The following MMP14 variants were observed in gnomAD, a reference collection of about 807,000 sequenced individuals.
The protein encoded by MMP14 is matrix metallopeptidase 14.
Under a neutral mutation model 64.8 loss-of-function variants are expected in MMP14, and 13 were observed. The ratio of observed to expected loss-of-function variants is 0.20; its 90% confidence interval spans 0.13 to 0.32. The LOEUF is 0.32. MMP14 is among the 10% of genes least tolerant of loss of function. The pLI is 1.00. For missense variants in MMP14, 594 were observed against 783.8 expected (o/e 0.76, Z 2.89); for synonymous variants, 322 against 315.9 (o/e 1.02, Z -0.20).
intron 1 of MMP14, among the ~76,000 whole-genome samples, chr14:22,840,623 C>G (rs962333527): frequency 1.3e-5 from 2 of 152,102 alleles, no homozygotes; most frequent in Non-Finnish European, 2.9e-5. Context: ...ATTCTTCTGC[C>G]TCAGCCTCCT....
rs972235937 is a variant in MMP14, at chr14:22,845,386, G to C, written c.1417+20G>C. On this transcript the variant is annotated intron_variant, in intron 9 of 9. Coordinates refer to ENST00000311852, the MANE Select transcript of MMP14 (RefSeq NM_004995.4). ...ATGAAGGTGAGAGGGGCAAGGGAAG[G>C]TGTCGCTGAGAGAAGGATGGGAATA... The C allele has an allele frequency of 6.5e-7, 1 of 1,540,378 alleles. No homozygotes were observed.
At position 22,843,766 on chromosome 14, in the gene MMP14, C is replaced by A. The variant is rs2039790942; in HGVS notation, c.907C>A (p.Pro303Thr). Residue 303 changes from proline to threonine, a missense_variant, in exon 6 of 10, where the codon CCT becomes ACT. Pro to Thr is a conservative substitution (Grantham distance 38). Transcript: ENST00000311852. The surrounding 1 kb of genome is among the most constrained non-coding windows in gnomAD (Gnocchi z 4.8). ...MPPQPRTTSR[P>T]SVPDKPKNPT... ...CCCTCAACCCAGGACTACCTCCCGG[C>A]CTTCTGTTCCTGATAAACCCAAAAA... 6.2e-7 allele frequency: 1 copy of A among 1,613,014 alleles called. No individual in the cohort carries two copies. The highest frequency in any genetic ancestry group is 8.5e-7 in the Non-Finnish European group (1 of 1,179,804).
Position 22,843,715 on chromosome 14 carries a change from G to A in MMP14, c.856G>A (p.Glu286Lys), listed in dbSNP as rs774979980. 5 of 1,588,624 alleles carry A rather than the reference G, an allele frequency of 3.1e-6. No homozygotes were observed. In the East Asian group the frequency reaches 9.0e-5, roughly 29 times the overall value. The change falls in exon 6 of 10, where the codon GAG becomes AAG. Residue 286 changes from glutamate (E) to lysine (K), a missense_variant. By Grantham distance (56) the Glu-to-Lys change is moderately conservative. Transcript: ENST00000311852. This position sits in a 1 kb window ranked among gnomAD's most constrained non-coding sequence, Gnocchi z 4.8. ...RRGIQQLYGG[E>K]SGFPTKMPPQ... ...CCTCGTGTTTTCTGCCCCAGGGGGT[G>A]AGTCAGGGTTCCCCACCAAGATGCC...
At chr14:22,837,190 G>T (rs990932760) in intron 1 of MMP14, 3 of 643,644 alleles carry the variant, frequency 4.7e-6, no homozygotes, top group South Asian at 1.5e-5. Context: ...GTCCTTGGAA[G>T]AACTTTACAA....
At chr14:22,837,242 T>C (rs2039740444) in intron 1 of MMP14, 1 of 551,744 alleles carries the variant, frequency 1.8e-6, no homozygotes. Flanking sequence ...TGGGCTCTGC[T>C]CTCAGCTCTG....
Position 22,843,155 on chromosome 14 carries a change from TG to T in MMP14, c.689-99del. 1 of 1,366,612 alleles carries T rather than the reference TG, an allele frequency of 7.3e-7. No individual in the cohort carries two copies. The highest frequency in any genetic ancestry group is 1.0e-6 in the Non-Finnish European group (1 of 1,001,364). The allele number at this position is 1,366,612 out of a possible 1,614,324, so 84.7% of individuals were successfully genotyped here. A position where few individuals can be genotyped will look rare whatever the true frequency, so the allele number is the denominator to read the frequency against. ...ATTTGGCCACTTTGGATTGAAAACA[TG>T]GGCAGCAGGCTTGGAGGTGAAACCA... On this transcript the variant is annotated intron_variant, in intron 4 of 9. Transcript: ENST00000311852. This position sits in a 1 kb window ranked among gnomAD's most constrained non-coding sequence, Gnocchi z 4.8.
intron 1 of MMP14, 95 bp from the exon 2 acceptor site, chr14:22,841,396 G>A (rs2039771498): frequency 1.3e-6 from 2 of 1,516,856 alleles, no homozygotes; most frequent in African/African-American, 1.4e-5. Flanking sequence ...CCCTTTCCTT[G>A]CCAAGCCAAG....
rs2039795594 is a variant in MMP14 at position 22,844,254 on chromosome 14, C to T, written c.1012-117C>T. ...TAGGGCGGCTGGGTGGAAGTGACAA[C>T]AGCTGGACTAAAAACTAAAACTGAG... On this transcript the variant is annotated intron_variant, in intron 6 of 9. Coordinates refer to ENST00000311852, the MANE Select transcript of MMP14 (RefSeq NM_004995.4). The T allele has an allele frequency of 2.7e-6, 4 of 1,457,294 alleles. 1 individual carries two copies. In the South Asian group the frequency reaches 5.2e-5, roughly 19 times the overall value. 90.3% of individuals were successfully genotyped at this position (1,457,294 alleles called of 1,614,324 possible).
chr14:22,846,081 C>A lies in MMP14; in HGVS notation c.*42C>A. 6.9e-7 allele frequency: 1 copy of A among 1,439,116 alleles called. No homozygotes were observed. Among genetic ancestry groups the A allele is most frequent in the Non-Finnish European group, 9.1e-7 (1 of 1,095,004 alleles). 89.1% of individuals were successfully genotyped at this position (1,439,116 alleles called of 1,614,324 possible). A position where few individuals can be genotyped will look rare whatever the true frequency, so the allele number is the denominator to read the frequency against. On this transcript the variant is annotated 3_prime_UTR_variant, in exon 10 of 10. Transcript: ENST00000311852. ...GCCCACTCCTACCACAAGGACTTTG[C>A]CTCTGAAGGCCAGTGGCAGCAGGTG... is the stretch of plus-strand genomic sequence containing the variant.
At chr14:22,840,031 G>A (rs997185580) in intron 1 of MMP14, among the ~76,000 whole-genome samples, 1 of 146,066 alleles carries the variant, frequency 6.8e-6, no homozygotes, top group Non-Finnish European at 1.5e-5. Context: ...GCAGTGGCGG[G>A]ATCTTGGCTA....
rs141384790 is a variant in MMP14 at position 22,845,827 on chromosome 14, C to T, written c.1537C>T (p.Arg513Trp). The T allele has an allele frequency of 2.8e-4, 454 of 1,614,026 alleles. No individual in the cohort carries two copies. The highest frequency in any genetic ancestry group is 3.6e-4 in the Non-Finnish European group (427 of 1,180,048). ...CTGGATGGGCTGCCCATCGGGAGGC[C>T]GGCCGGATGAGGGGACTGAGGAGGA... Reference protein sequence around the residue: ...RDWMGCPSGGRPDEGTEEETE... With the variant: ...RDWMGCPSGGWPDEGTEEETE... Residue 513 changes from arginine to tryptophan, a missense_variant, in exon 10 of 10, where the codon CGG (arginine) becomes TGG (tryptophan). Coordinates refer to ENST00000311852, the MANE Select transcript of MMP14 (RefSeq NM_004995.4).
Position 22,841,616 on chromosome 14 carries a change from C to G in MMP14, c.234C>G (p.Gly78=). 6.2e-7 allele frequency: 1 copy of G among 1,614,006 alleles called. No homozygotes were observed. The highest frequency in any genetic ancestry group is 1.1e-5 in the South Asian group (1 of 91,050). The change falls in exon 2 of 10, where the codon GGC becomes GGG. Residue 78 remains glycine (G), a synonymous_variant. Transcript: ENST00000311852. The stretch of plus-strand genomic sequence containing the variant: ...AGTTTTACGGCTTGCAAGTAACAGG[C>G]AAAGCTGATGCAGACACCATGAAGT... ...MQKFYGLQVT[G]KADADTMKAM...
intron 2 of MMP14, 52 bp from the exon 3 acceptor site, chr14:22,841,861 T>C: frequency 6.2e-7 from 1 of 1,609,606 alleles, no homozygotes; most frequent in East Asian, 2.2e-5. Context: ...TGGAGACCTT[T>C]CTCTTTCATA....
At position 22,836,747 on chromosome 14, in the gene MMP14, G is replaced by C. The variant is rs531304614; in HGVS notation, c.-71G>C. 4.6e-6 allele frequency: 4 copies of C among 864,398 alleles called. No individual in the cohort carries two copies. The highest frequency in any genetic ancestry group is 7.0e-6 in the Non-Finnish European group (4 of 574,830). 53.5% of individuals were successfully genotyped at this position (864,398 alleles called of 1,614,324 possible). On this transcript the variant is annotated 5_prime_UTR_variant, in exon 1 of 10. Transcript: ENST00000311852. ...AAGACAAAGGCGCCCCGAGGGAGTG[G>C]CGGTGCGACCCCAGGGCGTGGGCCC...
Position 22,846,347 on chromosome 14 carries a change from C to T in MMP14, c.*308C>T. 2.8e-6 allele frequency: 1 copy of T among 360,748 alleles called. No homozygotes were observed. The highest frequency in any genetic ancestry group is 5.0e-6 in the Non-Finnish European group (1 of 199,534). The allele number at this position is 360,748 out of a possible 1,614,324, so 22.3% of individuals were successfully genotyped here. A position where few individuals can be genotyped will look rare whatever the true frequency, so the allele number is the denominator to read the frequency against. ...GCCCCATCTGAATGTGTTGGGGGCT[C>T]TGCACTTGAAGGCAGGACCCTCAGA... On this transcript the variant is annotated 3_prime_UTR_variant, in exon 10 of 10. Transcript: ENST00000311852.
rs1011977295 is a variant in MMP14 at position 22,843,800 on chromosome 14, A to G, written c.941A>G (p.Tyr314Cys). 6.2e-5 allele frequency: 100 copies of G among 1,613,228 alleles called. 1 individual carries two copies. Among genetic ancestry groups the G allele is most frequent in the Non-Finnish European group, 7.8e-5 (92 of 1,179,774 alleles). ...CCTGATAAACCCAAAAACCCCACCT[A>G]TGGGCCCAACATCTGTGACGGGAAC... ...SVPDKPKNPT[Y>C]GPNICDGNFD... The change falls in exon 6 of 10, where the codon TAT becomes TGT. Residue 314 changes from tyrosine (Y) to cysteine (C), a missense_variant. Around this residue, in one of 4 missense-constraint regions of MMP14, gnomAD observed 364 missense variants for 425.2 expected, o/e 0.86. Coordinates refer to ENST00000311852, the MANE Select transcript of MMP14 (RefSeq NM_004995.4). This position sits in a 1 kb window ranked among gnomAD's most constrained non-coding sequence, Gnocchi z 4.8.
Position 22,836,940 on chromosome 14 carries a change from C to T in MMP14, c.108+15C>T, listed in dbSNP as rs762154296. ...TCAGCCCCGAAGTAAGTGAGCTTCC[C>T]GGCCCTTCCCGGAGTCGCGCCCGCC... On this transcript the variant is annotated intron_variant, in intron 1 of 9. Coordinates refer to ENST00000311852, the MANE Select transcript of MMP14 (RefSeq NM_004995.4). 14 of 1,603,352 alleles carry T rather than the reference C, an allele frequency of 8.7e-6. No individual in the cohort carries two copies. In the African/African-American group the frequency reaches 1.6e-4, roughly 18 times the overall value.
Position 22,844,000 on chromosome 14 carries a change from A to C in MMP14, c.1011+130A>C. On this transcript the variant is annotated intron_variant, in intron 6 of 9. Coordinates refer to ENST00000311852, the MANE Select transcript of MMP14 (RefSeq NM_004995.4). This position sits in a 1 kb window ranked among gnomAD's most constrained non-coding sequence, Gnocchi z 4.8. ...CACCTGAGGTCTGGAGTTCGAGAGC[A>C]GGCTGGCCAACATAGTGAAACCCCG... 2.5e-6 allele frequency: 3 copies of C among 1,195,350 alleles called. No individual in the cohort carries two copies. Among genetic ancestry groups the C allele is most frequent in the Non-Finnish European group, 3.5e-6 (3 of 847,062 alleles). 74.0% of individuals were successfully genotyped at this position (1,195,350 alleles called of 1,614,324 possible).
chr14:22,836,972 C>A lies in MMP14; in HGVS notation c.108+47C>A, dbSNP rs774913055. 4.0e-6 allele frequency: 6 copies of A among 1,485,918 alleles called. No homozygotes were observed. In the African/African-American group the frequency reaches 5.6e-5, roughly 14 times the overall value. 92.0% of individuals were successfully genotyped at this position (1,485,918 alleles called of 1,614,324 possible). ...TCCCGGAGTCGCGCCCGCCGGGAGG[C>A]GAGCCCGGGGGTCTCCTAGGGGACA... is the stretch of plus-strand genomic sequence containing the variant. On this transcript the variant is annotated intron_variant, in intron 1 of 9. Coordinates refer to ENST00000311852, the MANE Select transcript of MMP14 (RefSeq NM_004995.4).
Sources: gnomAD v4.1 joint callset for allele counts (sites outside exome capture counted in the v4.1 genomes callset) on GRCh38, gnomAD v4.1.1 for gene constraint, gnomAD v4.1.1 regional missense constraint, Gnocchi (gnomAD v3.1) non-coding constraint, MANE v1.5 for transcripts, NCBI Gene and HGNC (gene_info 2026-07-23, HGNC 2026-07-21) for gene names.